RNF212: variants seen among roughly 807,000 people sequenced by gnomAD.
The protein encoded by RNF212 is ring finger protein 212, also known as probable E3 SUMO-protein ligase RNF212.
RNF212 carries 33 observed loss-of-function variants against 34.7 expected under a neutral mutation model. That is an observed-to-expected ratio of 0.95 (90% CI 0.72 to 1.27). The LOEUF (loss-of-function observed/expected upper bound fraction) is 1.27. Among genes scored for constraint, RNF212 ranks in the 50% most tolerant of loss-of-function variants. The pLI is 0.00. For missense variants in RNF212, 377 were observed against 362.2 expected (o/e 1.04, Z -0.33); for synonymous variants, 140 against 136.1 (o/e 1.03, Z -0.20).
chr4:1,077,975 G>A (rs1719598565), intron 8 of RNF212, among the ~76,000 whole-genome samples: 1 of 152,206 alleles, frequency 6.6e-6, no homozygotes, highest in Non-Finnish European at 1.5e-5. Flanking sequence ...CCAAGGAACT[G>A]GCGTTTCTCT....
intron 7 of RNF212, among the ~76,000 whole-genome samples, chr4:1,080,053 A>G (rs965483082): frequency 6.6e-6 from 1 of 152,188 alleles, no homozygotes; most frequent in Non-Finnish European, 1.5e-5. Context: ...GGACGTTCTG[A>G]GAGTGGGATC....
At chr4:1,083,031 C>A (rs1182467855) in intron 5 of RNF212, among the ~76,000 whole-genome samples, 4 of 152,132 alleles carry the variant, frequency 2.6e-5, no homozygotes, top group East Asian at 3.9e-4. Context: ...GCGCAGCGGT[C>A]TGGGGCGGGT....
chr4:1,067,518 G>A (rs578219002), downstream of RNF212, among the ~76,000 whole-genome samples: 28 of 152,062 alleles, frequency 1.8e-4, no homozygotes, highest in Non-Finnish European at 3.8e-4. Context: ...TATACCATGT[G>A]AACTATAACC....
chr4:1,062,721 T>C (rs983731289), intron 3 of RNF212, among the ~76,000 whole-genome samples: 10 of 151,674 alleles, frequency 6.6e-5, no homozygotes, highest in Non-Finnish European at 1.2e-4. Context: ...AAAATAAAAG[T>C]AAAAGATAAA....
chr4:1,088,136 G>A (rs959292316), intron 4 of RNF212, among the ~76,000 whole-genome samples: 2 of 152,206 alleles, frequency 1.3e-5, no homozygotes, highest in African/African-American at 4.8e-5. Flanking sequence ...AGAAAGGTGT[G>A]AGAAAGTTTG....
At chr4:1,084,173 A>T (rs565636161) in intron 5 of RNF212, among the ~76,000 whole-genome samples, 8 of 151,818 alleles carry the variant, frequency 5.3e-5, no homozygotes, top group African/African-American at 1.9e-4. Context: ...TTGGTCTCAA[A>T]CTCCCGACCT....
intron 8 of RNF212, among the ~76,000 whole-genome samples, chr4:1,075,539 C>T (rs1425821779): frequency 2.0e-5 from 3 of 152,188 alleles, no homozygotes; most frequent in Non-Finnish European, 4.4e-5. Context: ...AAAGACAGCA[C>T]CAGCCACCAG....
At chr4:1,079,620 C>G (rs748166312) in intron 8 of RNF212, 23 bp downstream of exon 8, 1 of 1,550,618 alleles carries the variant, frequency 6.4e-7, no homozygotes, top group Non-Finnish European at 8.9e-7. Flanking sequence ...TACAGAGGAA[C>G]TCAGCAGGAG....
At chr4:1,081,950 C>T in intron 5 of RNF212, 1 of 320,396 alleles carries the variant, frequency 3.1e-6, no homozygotes, top group Non-Finnish European at 5.9e-6. Flanking sequence ...AACGCACCAG[C>T]TTTGAAAGGC....
intron 4 of RNF212, among the ~76,000 whole-genome samples, chr4:1,089,985 C>G (rs563986026): frequency 1.5e-4 from 23 of 151,908 alleles, no homozygotes; most frequent in East Asian, 5.8e-4. Flanking sequence ...GGTGACAGGA[C>G]AGTGTAGGGG....
At chr4:1,078,620 C>A (rs1160860606) in intron 8 of RNF212, among the ~76,000 whole-genome samples, 1 of 152,228 alleles carries the variant, frequency 6.6e-6, no homozygotes, top group Admixed American at 6.5e-5. Context: ...TTTGTCATTT[C>A]ATGAGACAGC....
At chr4:1,112,755 C>G (rs1264047581) in intron 1 of RNF212, among the ~76,000 whole-genome samples, 2 of 128,286 alleles carry the variant, frequency 1.6e-5, no homozygotes, top group African/African-American at 5.9e-5. Context: ...TGCCTGCGGA[C>G]CCTCCCCCAC....
chr4:1,079,657 A>G lies in RNF212; in HGVS notation c.496T>C (p.Ser166Pro), dbSNP rs936847458. The G allele has an allele frequency of 2.5e-6, 4 of 1,610,316 alleles. No homozygotes were observed. The African/African-American group carries it at 4.0e-5, about 16-fold the overall frequency. Residue 166 changes from serine to proline, a missense_variant, in exon 8 of 10, where the codon TCT (serine) becomes CCT (proline). Physicochemically the swap from Ser to Pro is moderately conservative, Grantham distance 74 (BLOSUM62 -1). Transcript: ENST00000433731. ...LESMEVDLSP[S>P]PIRKSEIAAG... Reference sequence around the variant, plus strand: ...GATGCACTTACTTTTCTAATCGGAGAAGGAGAGAGATCAACTTCCATCGAC... The same window carrying G: ...GATGCACTTACTTTTCTAATCGGAGGAGGAGAGAGATCAACTTCCATCGAC...
chr4:1,057,398 C>T (rs1007607601), intron 4 of RNF212, among the ~76,000 whole-genome samples: 9 of 152,100 alleles, frequency 5.9e-5, no homozygotes, highest in African/African-American at 1.9e-4. Context: ...ACAGAGACGT[C>T]GGTGTGTGCT....
chr4:1,098,178 TGAGC>T (rs1723357242), intron 2 of RNF212, among the ~76,000 whole-genome samples: 1 of 143,192 alleles, frequency 7.0e-6, no homozygotes, highest in Admixed American at 6.7e-5. Context: ...TTCAGGACAG[TGAGC>T]GCATAGAGTC....
chr4:1,110,443 G>C (rs535220893), intron 1 of RNF212, among the ~76,000 whole-genome samples: 1 of 152,200 alleles, frequency 6.6e-6, no homozygotes, highest in South Asian at 2.1e-4. Flanking sequence ...CCGCAGCCTA[G>C]CCACTCCACC....
At chr4:1,110,258 G>A (rs1725449072) in intron 1 of RNF212, among the ~76,000 whole-genome samples, 1 of 152,084 alleles carries the variant, frequency 6.6e-6, no homozygotes, top group African/African-American at 2.4e-5. Flanking sequence ...ACCTGAATAG[G>A]CATAGGAAAA....
chr4:1,107,635 A>G (rs1725032790), intron 2 of RNF212, among the ~76,000 whole-genome samples: 1 of 152,032 alleles, frequency 6.6e-6, no homozygotes, highest in Non-Finnish European at 1.5e-5. Flanking sequence ...TATTTTTAGT[A>G]GAGATGGGGT....
chr4:1,073,098 A>T lies in RNF212; in HGVS notation c.670T>A (p.Cys224Ser). Residue 224 changes from cysteine to serine, a missense_variant, in exon 10 of 10, where the codon TGT becomes AGT. Cys to Ser is a moderately radical substitution (Grantham distance 112). Transcript: ENST00000433731. ...TGAGGACAGACGTCTATGCAGAAAC[A>T]TGGTGAACCTCTGGAAATGACACAC... ...GECVISRGSP[C>S]FCIDVCPHWL... The T allele has an allele frequency of 6.2e-7, 1 of 1,614,220 alleles. No individual in the cohort carries two copies. Among genetic ancestry groups the T allele is most frequent in the South Asian group, 1.1e-5 (1 of 91,088 alleles).
Sources: gnomAD v4.1 joint callset for allele counts (sites outside exome capture counted in the v4.1 genomes callset) on GRCh38, gnomAD v4.1.1 for gene constraint, MANE v1.5 for transcripts, NCBI Gene and HGNC (gene_info 2026-07-23, HGNC 2026-07-21) for gene names.